Variants in SMG6 observed in about 807,000 individuals in gnomAD.
SMG6 encodes the protein telomerase-binding protein EST1A.
Under a neutral mutation model 142.2 loss-of-function variants are expected in SMG6, and 66 were observed. That is an observed-to-expected ratio of 0.46 (90% CI 0.38 to 0.57). The LOEUF (loss-of-function observed/expected upper bound fraction) is 0.57, where lower values mean the gene tolerates loss of function less well. SMG6 is among the 20% of genes least tolerant of loss of function. SMG6 has a pLI of 0.00. For synonymous variants in SMG6, 779 were observed against 702.4 expected, an observed-to-expected ratio of 1.11 and a Z score of -1.72; for missense variants, 1,793 against 1,832.0, an observed-to-expected ratio of 0.98 and a Z score of 0.39.
intron 10 of SMG6, among the ~76,000 whole-genome samples, chr17:2,206,141 T>C (rs1318928795): frequency 6.6e-6 from 1 of 152,182 alleles, no homozygotes; most frequent in East Asian, 1.9e-4. Context: ...CAGCCTCTTA[T>C]CACATGCTGT....
intron 8 of SMG6, among the ~76,000 whole-genome samples, chr17:2,267,327 C>T (rs2074442066): frequency 6.6e-6 from 1 of 151,880 alleles, no homozygotes; most frequent in Admixed American, 6.6e-5. Context: ...CCTCAGGCTC[C>T]CGAGTAACTA....
chr17:2,139,542 T>C (rs1418524891), intron 13 of SMG6, among the ~76,000 whole-genome samples: 1 of 148,382 alleles, frequency 6.7e-6, no homozygotes, highest in Admixed American at 6.7e-5. Context: ...CAGCCTCAAC[T>C]TCCCAAGGAG....
chr17:2,262,667 T>C (rs1405181309), intron 8 of SMG6, among the ~76,000 whole-genome samples: 1 of 152,258 alleles, frequency 6.6e-6, no homozygotes, highest in Non-Finnish European at 1.5e-5. Flanking sequence ...TTAATCTCTT[T>C]TACCTCTGTC....
intron 9 of SMG6, among the ~76,000 whole-genome samples, chr17:2,238,294 T>C (rs1219309268): frequency 6.6e-6 from 1 of 152,216 alleles, no homozygotes; most frequent in Admixed American, 6.5e-5. Flanking sequence ...AAAGATGCCA[T>C]GCATTTGCTT....
intron 8 of SMG6, among the ~76,000 whole-genome samples, chr17:2,257,053 G>A (rs2074199400): frequency 6.6e-6 from 1 of 151,016 alleles, no homozygotes; most frequent in Admixed American, 6.6e-5. Flanking sequence ...TTGGCTCACT[G>A]CAACCTCCAC....
chr17:2,220,059 C>G (rs116613557), intron 10 of SMG6, among the ~76,000 whole-genome samples: 2,735 of 152,170 alleles, frequency 0.018, 96 homozygotes, highest in African/African-American at 0.063. Flanking sequence ...GTAGCTGGGA[C>G]TACAGACATG....
chr17:2,158,669 G>A (rs1382943493), intron 13 of SMG6, among the ~76,000 whole-genome samples: 1 of 152,164 alleles, frequency 6.6e-6, no homozygotes, highest in East Asian at 1.9e-4. Flanking sequence ...TATAATCCCA[G>A]CACTTTGGGA....
chr17:2,064,167 G>A (rs2067868699), intron 18 of SMG6, among the ~76,000 whole-genome samples: 1 of 152,164 alleles, frequency 6.6e-6, no homozygotes, highest in Non-Finnish European at 1.5e-5. Flanking sequence ...AGCAGAGACG[G>A]AAAGGCAATG....
intron 10 of SMG6, chr17:2,232,702 G>A (rs1430541929): frequency 1.3e-5 from 2 of 152,088 alleles, no homozygotes; most frequent in African/African-American, 4.8e-5. Flanking sequence ...AGGAGATCAA[G>A]GTCTCTCCAC....
chr17:2,201,211 A>C (rs568291400), intron 10 of SMG6, among the ~76,000 whole-genome samples: 1 of 152,362 alleles, frequency 6.6e-6, no homozygotes, highest in East Asian at 1.9e-4. Flanking sequence ...TTGGGCAAAG[A>C]AGATATATGG....
chr17:2,170,064 T>C (rs910189175), intron 13 of SMG6, among the ~76,000 whole-genome samples: 22 of 152,302 alleles, frequency 1.4e-4, no homozygotes, highest in African/African-American at 5.1e-4. Flanking sequence ...GGCTGCCATT[T>C]ACCAAGATGG....
chr17:2,087,814 T>G (rs1007403992), intron 13 of SMG6: 1 of 985,596 alleles, frequency 1.0e-6, no homozygotes, highest in African/African-American at 1.7e-5. Flanking sequence ...AGCCTCTCAC[T>G]TGCATAGGAA....
intron 15 of SMG6, among the ~76,000 whole-genome samples, chr17:2,073,971 C>T (rs528049288): frequency 2.6e-5 from 4 of 151,806 alleles, no homozygotes; most frequent in Admixed American, 1.3e-4. Flanking sequence ...CCCAGCTACT[C>T]GGGAGGCTGA....
intron 13 of SMG6, among the ~76,000 whole-genome samples, chr17:2,163,801 G>T (rs2071251131): frequency 6.6e-6 from 1 of 151,876 alleles, no homozygotes; most frequent in Non-Finnish European, 1.5e-5. Context: ...TTGCTTGGTG[G>T]TTATGTAGTT....
intron 9 of SMG6, among the ~76,000 whole-genome samples, chr17:2,240,528 T>C (rs1253886294): frequency 6.6e-6 from 1 of 151,950 alleles, no homozygotes; most frequent in Admixed American, 6.6e-5. Flanking sequence ...AGGACTGGAA[T>C]GGACCTCAGA....
At chr17:2,079,682 C>T (rs1439212809) in intron 15 of SMG6, among the ~76,000 whole-genome samples, 1 of 152,016 alleles carries the variant, frequency 6.6e-6, no homozygotes, top group East Asian at 1.9e-4. Flanking sequence ...TACATGTAGA[C>T]CCACAGCAGG....
rs146680359 is a variant in SMG6 at position 2,228,393 on chromosome 17, T to C, written c.2869+8099A>G. On this transcript the variant is annotated intron_variant, in intron 10 of 18. Transcript: ENST00000263073. The stretch of plus-strand genomic sequence containing the variant: ...ACAGGCGCCTGCCACCGTGCAGGGC[T>C]AATTTTTGTATTTTTAGTAGAGATG... Among the ~76,000 whole-genome samples the C allele has an allele frequency of 1.7e-3, 250 of 150,052 alleles. 1 individual carries two copies. Among genetic ancestry groups the C allele is most frequent in the African/African-American group, 5.8e-3 (236 of 40,662 alleles).
intron 10 of SMG6, among the ~76,000 whole-genome samples, chr17:2,205,130 G>A (rs1006855144): frequency 6.6e-6 from 1 of 151,664 alleles, no homozygotes; most frequent in African/African-American, 2.4e-5. Flanking sequence ...GTGCAATGGC[G>A]CGATCTCAGC....
chr17:2,133,024 T>C (rs927443006), intron 13 of SMG6, among the ~76,000 whole-genome samples: 2 of 152,118 alleles, frequency 1.3e-5, no homozygotes, highest in Non-Finnish European at 2.9e-5. Context: ...GTGGGTGGAT[T>C]ACTTGAGGCC....
Sources: allele counts gnomAD v4.1 joint callset (sites outside exome capture counted in the v4.1 genomes callset), GRCh38; gene constraint gnomAD v4.1.1; transcripts MANE v1.5; gene names NCBI Gene and HGNC (gene_info 2026-07-23, HGNC 2026-07-21).